PHACTR4: variants seen among roughly 807,000 people sequenced by gnomAD.
PHACTR4 encodes the protein protein phosphatase 1, regulatory subunit 124.
A neutral mutation model predicts 72.7 loss-of-function variants in PHACTR4; 51 were observed. The observed-to-expected ratio is 0.70, with a 90% CI of 0.56 to 0.89. The LOEUF (loss-of-function observed/expected upper bound fraction) is 0.89, where lower values mean the gene tolerates loss of function less well. Among genes scored for constraint, PHACTR4 ranks in the 40% least tolerant of loss-of-function variants. The pLI is 0.00. For synonymous variants in PHACTR4, 255 were observed against 302.5 expected (o/e 0.84, Z 1.63); for missense variants, 731 against 861.8 (o/e 0.85, Z 1.90).
At chr1:28,476,051 AAGTC>A (rs1385670879) in intron 7 of PHACTR4, 52 bp from the exon 8 acceptor site, 1 of 1,505,236 alleles carries the variant, frequency 6.6e-7, no homozygotes, top group Non-Finnish European at 8.9e-7. Flanking sequence ...TTTGTCTTAA[AAGTC>A]AGTTATCCTC....
chr1:28,429,771 A>T (rs1656118242), intron 2 of PHACTR4, among the ~76,000 whole-genome samples: 1 of 152,254 alleles, frequency 6.6e-6, no homozygotes, highest in Non-Finnish European at 1.5e-5. Flanking sequence ...AGCTTAATTG[A>T]GAAGTCTGAA....
intron 1 of PHACTR4, among the ~76,000 whole-genome samples, chr1:28,405,413 G>A (rs1654248702): frequency 6.6e-6 from 1 of 151,676 alleles, no homozygotes; most frequent in Non-Finnish European, 1.5e-5. Flanking sequence ...TGCAACCTCC[G>A]ACTCCCAGGT....
intron 11 of PHACTR4, 40 bp from the exon 12 acceptor site, chr1:28,491,610 A>G (rs552749861): frequency 1.2e-6 from 2 of 1,613,788 alleles, no homozygotes; most frequent in South Asian, 1.1e-5. Context: ...TTGATGCCTA[A>G]TTATTGGCTT....
At chr1:28,415,566 G>A (rs1345386458) in intron 2 of PHACTR4, among the ~76,000 whole-genome samples, 2 of 152,292 alleles carry the variant, frequency 1.3e-5, no homozygotes, top group East Asian at 3.9e-4. Flanking sequence ...TTGAGGTGGA[G>A]GAGGATCTGC....
At chr1:28,417,092 T>A (rs1655153524) in intron 2 of PHACTR4, among the ~76,000 whole-genome samples, 1 of 152,036 alleles carries the variant, frequency 6.6e-6, no homozygotes, top group South Asian at 2.1e-4. Context: ...AATGGGTAAT[T>A]TTCTAGGAAA....
intron 11 of PHACTR4, among the ~76,000 whole-genome samples, 184 bp downstream of exon 11, chr1:28,491,196 T>C (rs1661014371): frequency 2.1e-5 from 3 of 146,274 alleles, no homozygotes; most frequent in South Asian, 2.1e-4. Flanking sequence ...CAGTGAAACC[T>C]TGTGTCTACA....
intron 6 of PHACTR4, among the ~76,000 whole-genome samples, chr1:28,468,883 T>C (rs1659383717): frequency 1.3e-5 from 2 of 152,314 alleles, no homozygotes; most frequent in South Asian, 4.1e-4. Context: ...ACCAGTGGCA[T>C]ACCACCCTTT....
intron 1 of PHACTR4, among the ~76,000 whole-genome samples, chr1:28,385,954 T>G (rs1232498426): frequency 1.3e-5 from 2 of 152,114 alleles, no homozygotes; most frequent in Non-Finnish European, 1.5e-5. Context: ...TCTAGTTTGA[T>G]TCCGCTGTGG....
chr1:28,427,709 C>G (rs965954810), intron 2 of PHACTR4, among the ~76,000 whole-genome samples: 2 of 152,008 alleles, frequency 1.3e-5, no homozygotes, highest in Non-Finnish European at 2.9e-5. Context: ...CCTTTCCTCC[C>G]TTTTTTACTC....
chr1:28,426,444 GT>G (rs1340435380), intron 2 of PHACTR4, among the ~76,000 whole-genome samples: 5 of 151,952 alleles, frequency 3.3e-5, no homozygotes, highest in Non-Finnish European at 7.4e-5. Flanking sequence ...GGATCACGAG[GT>G]CAGGAGATCA....
Position 28,487,727 on chromosome 1 carries a change from G to GTTTTTTT in PHACTR4, c.1761-1423_1761-1417dup, listed in dbSNP as rs780028378. 5.8e-4 allele frequency among the ~76,000 whole-genome samples: 37 copies of GTTTTTTT among 63,304 alleles called. 2 individuals are homozygous for GTTTTTTT. Among genetic ancestry groups the GTTTTTTT allele is most frequent in the African/African-American group, 1.8e-3 (32 of 17,966 alleles). The allele number at this position is 63,304 out of a possible 152,430, so 41.5% of individuals were successfully genotyped here. A position where few individuals can be genotyped will look rare whatever the true frequency, so the allele number is the denominator to read the frequency against. ...AAATGACAAATTGTAGTTTTTTGTT[G>GTTTTTTT]TTTTTTTTTTTTTTTTTTTTTTTTT... On this transcript the variant is annotated intron_variant, in intron 9 of 13. Transcript: ENST00000373839.
At chr1:28,489,703 GCTGT>G in intron 10 of PHACTR4, 3 of 500,908 alleles carry the variant, frequency 6.0e-6, no homozygotes, top group South Asian at 2.9e-5. Flanking sequence ...TATTTAATTT[GCTGT>G]CTGTGTACAT....
chr1:28,490,511 G>A (rs144295268), intron 10 of PHACTR4, among the ~76,000 whole-genome samples: 1,570 of 143,662 alleles, frequency 0.011, 25 homozygotes, highest in African/African-American at 0.038. Context: ...CAGCATGGGC[G>A]ACAAAGCAAG....
chr1:28,496,565 G>A lies in PHACTR4; in HGVS notation c.*16G>A. 6.2e-7 allele frequency: 1 copy of A among 1,613,708 alleles called. No homozygotes were observed. The highest frequency in any genetic ancestry group is 8.5e-7 in the Non-Finnish European group (1 of 1,179,884). ...TCGTCCATGATGCCAAAGGTTGAGA[G>A]AGGAATCAACATGGCTGCTTTGCTG... On this transcript the variant is annotated 3_prime_UTR_variant, in exon 14 of 14. Transcript: ENST00000373839.
intron 8 of PHACTR4, among the ~76,000 whole-genome samples, chr1:28,480,237 ATACCTTT>A (rs1660195784): frequency 6.6e-6 from 1 of 152,186 alleles, no homozygotes; most frequent in South Asian, 2.1e-4. Flanking sequence ...AAGAGAAAAG[ATACCTTT>A]TAACCATCTT....
intron 9 of PHACTR4, among the ~76,000 whole-genome samples, chr1:28,483,798 C>CAA (rs991081654): frequency 0.039 from 2,744 of 70,128 alleles, 129 homozygotes; most frequent in African/African-American, 0.11. Flanking sequence ...GACTCCGTCT[C>CAA]AAAAAAAAAA....
intron 6 of PHACTR4, among the ~76,000 whole-genome samples, chr1:28,472,092 AG>A (rs1382014280): frequency 6.6e-5 from 10 of 151,984 alleles, no homozygotes; most frequent in African/African-American, 2.4e-4. Flanking sequence ...GGGCGCCTGT[AG>A]TCCCAGCTAC....
At chr1:28,479,961 G>A (rs1660179319) in intron 8 of PHACTR4, among the ~76,000 whole-genome samples, 1 of 152,164 alleles carries the variant, frequency 6.6e-6, no homozygotes, top group Non-Finnish European at 1.5e-5. Flanking sequence ...CATGGGCTAA[G>A]GTGAAAAGAT....
chr1:28,375,297 C>T (rs1311736508), intron 1 of PHACTR4, among the ~76,000 whole-genome samples: 3 of 149,468 alleles, frequency 2.0e-5, no homozygotes, highest in African/African-American at 7.4e-5. Context: ...AGATTCCATC[C>T]TCCCACCACC....
Sources: allele counts gnomAD v4.1 joint callset (sites outside exome capture counted in the v4.1 genomes callset), GRCh38; gene constraint gnomAD v4.1.1; transcripts MANE v1.5; gene names NCBI Gene and HGNC (gene_info 2026-07-23, HGNC 2026-07-21).